The following AGBL1 variants were observed in gnomAD, a reference collection of about 807,000 sequenced individuals.
AGBL1 encodes AGBL carboxypeptidase 1.
AGBL1 carries 130 observed loss-of-function variants against 118.9 expected under a neutral mutation model. The observed-to-expected ratio is 1.09, with a 90% CI of 0.95 to 1.26. AGBL1 has a LOEUF of 1.26. Ranked by LOEUF, AGBL1 falls within the 50% of genes most tolerant of loss-of-function variation. The probability of loss-of-function intolerance (pLI) is 0.00; values close to 1 mark genes in which losing one functional copy is unlikely to be tolerated. For missense variants in AGBL1, 1,584 were observed against 1,298.1 expected (o/e 1.22, Z -3.38); for synonymous variants, 555 against 478.9 (o/e 1.16, Z -2.08).
chr15:86,242,816 T>G (rs1398303586), intron 6 of AGBL1, among the ~76,000 whole-genome samples: 1 of 152,230 alleles, frequency 6.6e-6, no homozygotes, highest in East Asian at 1.9e-4. Context: ...GTGGGCTGCT[T>G]GCAGGTAAAA....
At chr15:86,856,499 T>C (rs1188184044) in intron 22 of AGBL1, among the ~76,000 whole-genome samples, 1 of 152,194 alleles carries the variant, frequency 6.6e-6, no homozygotes, top group Non-Finnish European at 1.5e-5. Context: ...GAAGCAATTA[T>C]ATTGCTTATG....
At chr15:86,249,628 C>T (rs2078777370) in intron 7 of AGBL1, among the ~76,000 whole-genome samples, 1 of 152,124 alleles carries the variant, frequency 6.6e-6, no homozygotes, top group Admixed American at 6.5e-5. Context: ...CCTCCCAGTC[C>T]TTGTGCAATG....
intron 17 of AGBL1, among the ~76,000 whole-genome samples, chr15:86,333,192 G>A (rs1441834544): frequency 6.6e-6 from 1 of 152,016 alleles, no homozygotes; most frequent in Non-Finnish European, 1.5e-5. Flanking sequence ...AATCAGAAAA[G>A]AACTGAACAA....
At chr15:86,561,346 GA>G (rs1179938662) in intron 21 of AGBL1, among the ~76,000 whole-genome samples, 1 of 152,154 alleles carries the variant, frequency 6.6e-6, no homozygotes, top group African/African-American at 2.4e-5. Context: ...AAGGTGTAAG[GA>G]AGGGATCCAG....
At chr15:86,383,446 G>T (rs1266568254) in intron 17 of AGBL1, among the ~76,000 whole-genome samples, 1 of 151,750 alleles carries the variant, frequency 6.6e-6, no homozygotes, top group Non-Finnish European at 1.5e-5. Flanking sequence ...AAATTAGTCG[G>T]GCATGGTGGC....
intron 22 of AGBL1, among the ~76,000 whole-genome samples, chr15:86,798,120 C>A (rs1215060097): frequency 6.6e-6 from 1 of 152,150 alleles, no homozygotes; most frequent in African/African-American, 2.4e-5. Context: ...ATCCATTAGA[C>A]TGCAGACCAT....
At chr15:86,817,400 C>T (rs983219134) in intron 22 of AGBL1, among the ~76,000 whole-genome samples, 3 of 150,376 alleles carry the variant, frequency 2.0e-5, no homozygotes, top group South Asian at 2.1e-4. Context: ...AAGATGACAG[C>T]GATGTTGTGG....
chr15:86,493,053 G>T (rs1014732215), intron 18 of AGBL1, among the ~76,000 whole-genome samples: 6 of 152,112 alleles, frequency 3.9e-5, no homozygotes, highest in Admixed American at 2.6e-4. Context: ...AATTAGCTGG[G>T]CATGGTGGTG....
At chr15:86,653,538 T>C (rs1395283277) in intron 21 of AGBL1, among the ~76,000 whole-genome samples, 1 of 152,174 alleles carries the variant, frequency 6.6e-6, no homozygotes, top group African/African-American at 2.4e-5. Flanking sequence ...TTGGTTCTTT[T>C]TTATAAACCG....
intron 18 of AGBL1, among the ~76,000 whole-genome samples, chr15:86,514,496 A>G (rs1243337821): frequency 6.6e-6 from 1 of 152,130 alleles, no homozygotes. Context: ...TACTTCGTTT[A>G]GTGTTAGTCA....
At chr15:86,761,344 T>C (rs2078021458) in intron 22 of AGBL1, among the ~76,000 whole-genome samples, 1 of 152,102 alleles carries the variant, frequency 6.6e-6, no homozygotes, top group South Asian at 2.1e-4. Context: ...ATTTTACTGG[T>C]GAAAAACCTA....
At chr15:86,778,682 TC>T (rs2078292086) in intron 22 of AGBL1, among the ~76,000 whole-genome samples, 2 of 152,188 alleles carry the variant, frequency 1.3e-5, no homozygotes, top group Non-Finnish European at 2.9e-5. Context: ...TGTTCTTTTT[TC>T]AAGGTGCCCA....
chr15:86,146,488 G>T (rs1178694317), intron 3 of AGBL1, among the ~76,000 whole-genome samples: 1 of 152,206 alleles, frequency 6.6e-6, no homozygotes, highest in African/African-American at 2.4e-5. Flanking sequence ...ACTGAGGGAT[G>T]ACTCTACTTA....
At chr15:86,919,527 T>C (rs2141617320), downstream of AGBL1, among the ~76,000 whole-genome samples, 1 of 151,982 alleles carries the variant, frequency 6.6e-6, no homozygotes, top group South Asian at 2.1e-4. Context: ...CTGAAATCTC[T>C]AGGGCTCATC....
At chr15:86,480,346 TA>T (rs1480011697) in intron 18 of AGBL1, among the ~76,000 whole-genome samples, 2 of 152,098 alleles carry the variant, frequency 1.3e-5, no homozygotes, top group South Asian at 2.1e-4. Flanking sequence ...GTACACAATT[TA>T]AAAAAAGTTT....
intron 22 of AGBL1, among the ~76,000 whole-genome samples, chr15:86,676,255 A>G (rs2085844973): frequency 1.5e-5 from 2 of 134,066 alleles, no homozygotes; most frequent in South Asian, 4.8e-4. Flanking sequence ...GCAGGAGGGA[A>G]ACTACCTATT....
At chr15:86,814,261 T>C (rs998051982) in intron 22 of AGBL1, among the ~76,000 whole-genome samples, 3 of 152,200 alleles carry the variant, frequency 2.0e-5, no homozygotes, top group Non-Finnish European at 4.4e-5. Flanking sequence ...TGAGCACTCC[T>C]TATGATAATC....
chr15:86,680,287 A>G (rs1340119774), intron 22 of AGBL1, among the ~76,000 whole-genome samples: 8 of 152,022 alleles, frequency 5.3e-5, no homozygotes, highest in Non-Finnish European at 1.2e-4. Context: ...TTCATCTTAC[A>G]TTTTTCAGAG....
At chr15:86,343,113 C>G (rs1272458022) in intron 17 of AGBL1, among the ~76,000 whole-genome samples, 3 of 152,040 alleles carry the variant, frequency 2.0e-5, no homozygotes, top group Non-Finnish European at 1.5e-5. Context: ...TTCATGTTAC[C>G]CACCTCCCCA....
Sources: gnomAD v4.1 joint callset for allele counts (sites outside exome capture counted in the v4.1 genomes callset) on GRCh38, gnomAD v4.1.1 for gene constraint, MANE v1.5 for transcripts, NCBI Gene and HGNC (gene_info 2026-07-23, HGNC 2026-07-21) for gene names.